ARHGAP6: variants seen among roughly 807,000 people sequenced by gnomAD.
ARHGAP6 encodes the protein Rho GTPase activating protein 6, also known as rho GTPase-activating protein 6.
A neutral mutation model predicts 55.7 loss-of-function variants in ARHGAP6; 16 were observed. The observed-to-expected ratio is 0.29, with a 90% confidence interval of 0.19 to 0.44. The LOEUF (loss-of-function observed/expected upper bound fraction) is 0.44, where lower values mean the gene tolerates loss of function less well. Ranked by LOEUF, ARHGAP6 falls within the 20% of genes least tolerant of loss-of-function variation. The pLI is 1.00. For synonymous variants in ARHGAP6, 382 were observed against 360.9 expected (o/e 1.06, Z -0.66); for missense variants, 698 against 808.9 (o/e 0.86, Z 1.66).
chrX:11,275,463 C>T (rs192884964), intron 1 of ARHGAP6, among the ~76,000 whole-genome samples: 1 of 111,682 alleles, frequency 9.0e-6, no homozygotes, highest in African/African-American at 3.2e-5. Context: ...CTATGTCTCT[C>T]CTACTCACAC....
intron 8 of ARHGAP6, 80 bp from the exon 9 acceptor site, chrX:11,169,764 T>G: frequency 2.5e-6 from 2 of 799,128 alleles, no homozygotes; most frequent in Non-Finnish European, 3.4e-6. Context: ...AATGAAACCT[T>G]TTACTCTCCT....
At chrX:11,511,726 T>G (rs2050786220) in intron 1 of ARHGAP6, among the ~76,000 whole-genome samples, 1 of 111,486 alleles carries the variant, frequency 9.0e-6, no homozygotes, top group South Asian at 3.8e-4. Context: ...GTGGAGGTGG[T>G]AATCAACTCA....
chrX:11,408,908 TACACAC>T (rs373105469), intron 1 of ARHGAP6, among the ~76,000 whole-genome samples: 22 of 104,826 alleles, frequency 2.1e-4, no homozygotes, highest in Non-Finnish European at 1.6e-4. Flanking sequence ...CACACACACA[TACACAC>T]ACACACACAC....
intron 1 of ARHGAP6, among the ~76,000 whole-genome samples, chrX:11,449,470 T>C (rs1042211979): frequency 1.8e-5 from 2 of 112,099 alleles, no homozygotes; most frequent in Non-Finnish European, 3.8e-5. Context: ...GGGCACATTC[T>C]CACTAGGCTT....
At chrX:11,502,983 C>T (rs777370800) in intron 1 of ARHGAP6, among the ~76,000 whole-genome samples, 1 of 110,855 alleles carries the variant, frequency 9.0e-6, no homozygotes, top group South Asian at 4.0e-4. Flanking sequence ...GCAACCTTCA[C>T]CTCCAGATTG....
At chrX:11,304,816 C>A (rs1255369947) in intron 1 of ARHGAP6, among the ~76,000 whole-genome samples, 2 of 66,646 alleles carry the variant, frequency 3.0e-5, no homozygotes, top group Non-Finnish European at 5.0e-5. Flanking sequence ...GAGATGGAGT[C>A]TCGCTCTGTC....
intron 1 of ARHGAP6, chrX:11,300,797 C>A: frequency 2.2e-6 from 1 of 448,211 alleles, no homozygotes; most frequent in East Asian, 3.7e-5. Flanking sequence ...TTAAATTTTC[C>A]TATCATTTGA....
intron 1 of ARHGAP6, among the ~76,000 whole-genome samples, chrX:11,490,476 G>A (rs963263574): frequency 1.8e-5 from 2 of 112,106 alleles, no homozygotes; most frequent in African/African-American, 6.5e-5. Flanking sequence ...CACATTGATT[G>A]CAGCCTTGTG....
chrX:11,167,128 A>G (rs1044216481), intron 9 of ARHGAP6, among the ~76,000 whole-genome samples: 6 of 112,111 alleles, frequency 5.4e-5, no homozygotes, highest in African/African-American at 1.9e-4. Context: ...AATTCAACCA[A>G]TATTTATTGT....
chrX:11,504,683 A>G (rs1408420365), intron 1 of ARHGAP6, among the ~76,000 whole-genome samples: 4 of 112,185 alleles, frequency 3.6e-5, no homozygotes, highest in Admixed American at 1.9e-4. Flanking sequence ...AAACACATAC[A>G]CACCCACTGG....
chrX:11,488,817 C>G (rs971963317), intron 1 of ARHGAP6, among the ~76,000 whole-genome samples: 1 of 111,449 alleles, frequency 9.0e-6, no homozygotes, highest in African/African-American at 3.3e-5. Context: ...CTGAAACCAT[C>G]CCCCCCACAA....
chrX:11,520,973 T>G lies in ARHGAP6; in HGVS notation c.588+143268A>C, dbSNP rs747752726. Among the ~76,000 whole-genome samples, 3 of 112,384 alleles carry G rather than the reference T, an allele frequency of 2.7e-5. No individual in the cohort carries two copies. The East Asian group carries it at 8.4e-4, about 31-fold the overall frequency. On this transcript the variant is annotated intron_variant, in intron 1 of 12. Transcript: ENST00000337414. The stretch of plus-strand genomic sequence containing the variant: ...CATAAATGTCTTCTTTTGAGAAGTG[T>G]CTGTTCATATCCTTCACCCACTTGT...
chrX:11,332,258 G>C (rs1453660405), intron 1 of ARHGAP6, among the ~76,000 whole-genome samples: 1 of 111,764 alleles, frequency 8.9e-6, no homozygotes, highest in Non-Finnish European at 1.9e-5. Context: ...CTTTTTTGTA[G>C]ATTCTGCTCA....
At chrX:11,359,952 C>T (rs765938097) in intron 1 of ARHGAP6, among the ~76,000 whole-genome samples, 1 of 111,626 alleles carries the variant, frequency 9.0e-6, no homozygotes, top group South Asian at 3.8e-4. Context: ...CAAGACTAAA[C>T]CAGGAAGAAG....
intron 1 of ARHGAP6, among the ~76,000 whole-genome samples, chrX:11,500,073 T>C (rs1002771140): frequency 8.9e-6 from 1 of 112,045 alleles, no homozygotes; most frequent in Non-Finnish European, 1.9e-5. Context: ...AGGGAGAAAA[T>C]TGTTTAGTCA....
intron 1 of ARHGAP6, among the ~76,000 whole-genome samples, chrX:11,522,382 G>T (rs1253295158): frequency 9.0e-6 from 1 of 111,144 alleles, no homozygotes; most frequent in African/African-American, 3.3e-5. Flanking sequence ...AAATAACTAA[G>T]ATCAGAGCAG....
intron 1 of ARHGAP6, among the ~76,000 whole-genome samples, chrX:11,484,814 A>T (rs2050495344): frequency 8.9e-6 from 1 of 111,848 alleles, no homozygotes; most frequent in Non-Finnish European, 1.9e-5. Context: ...ACTCAGAAAT[A>T]AAAAAGAAAA....
intron 1 of ARHGAP6, among the ~76,000 whole-genome samples, chrX:11,415,608 A>G (rs2049737580): frequency 8.9e-6 from 1 of 112,103 alleles, no homozygotes; most frequent in South Asian, 3.7e-4. Flanking sequence ...TCATGGAAGG[A>G]GTGCATTTCC....
chrX:11,520,179 T>TATATATATA (rs1307291101), intron 1 of ARHGAP6, among the ~76,000 whole-genome samples: 1 of 40,030 alleles, frequency 2.5e-5, no homozygotes, highest in Non-Finnish European at 5.0e-5. Flanking sequence ...ATATATATAT[T>TATATATATA]ACTTTAAGTT....
Sources: allele counts gnomAD v4.1 joint callset (sites outside exome capture counted in the v4.1 genomes callset), GRCh38; gene constraint gnomAD v4.1.1; transcripts MANE v1.5; gene names NCBI Gene and HGNC (gene_info 2026-07-23, HGNC 2026-07-21).